PRAMEF4: variants seen among roughly 807,000 people sequenced by gnomAD.
PRAMEF4 encodes the protein RP5-845O24.6.
A neutral mutation model predicts 34.4 loss-of-function variants in PRAMEF4; 18 were observed. The ratio of observed to expected loss-of-function variants is 0.52; its 90% CI spans 0.36 to 0.78. The LOEUF (loss-of-function observed/expected upper bound fraction) is 0.78. Among genes scored for constraint, PRAMEF4 ranks in the 30% least tolerant of loss-of-function variants. PRAMEF4 has a pLI of 0.00. For synonymous variants in PRAMEF4, 156 were observed against 219.3 expected, an observed-to-expected ratio of 0.71 and a Z score of 2.55; for missense variants, 482 against 569.1, an observed-to-expected ratio of 0.85 and a Z score of 1.56.
chr1:12,883,079 C>G (rs756740114), intron 2 of PRAMEF4, 23 bp downstream of exon 2: 1 of 1,599,690 alleles, frequency 6.3e-7, no homozygotes, highest in Non-Finnish European at 8.5e-7. Context: ...GCCCTCCCCA[C>G]CAGCCCACCT....
In PRAMEF4 at chr1:12,882,416, G is replaced by A. The variant is rs1047453556; in HGVS notation, c.313C>T (p.Leu105=). The A allele has an allele frequency of 4.4e-6, 7 of 1,588,702 alleles. No individual in the cohort carries two copies. In the South Asian group the frequency reaches 4.4e-5, roughly 10 times the overall value. ...TTCTCACAGACATCCTGTAAATCCA[G>A]CACTTGAAGTTTCCACCTCCTGTGG... ...VRPRRWKLQV[L]DLQDVCENFW... The change falls in exon 3 of 4, where the codon CTG becomes TTG. Residue 105 remains leucine (L), a synonymous_variant. Coordinates refer to ENST00000235349, the MANE Select transcript of PRAMEF4 (RefSeq NM_001009611.4).
Position 12,883,360 on chromosome 1 carries a change from A to G in PRAMEF4, c.35T>C (p.Leu12Pro). Reference protein sequence around the residue: ...KMSIWTPPRLLELAGRSLLRD... With the variant: ...KMSIWTPPRLPELAGRSLLRD... ...TAGCAGGCTCCGCCCTGCAAGCTCC[A>G]GGAGTCTGGGTGGAGTCCAGATGCT... The change falls in exon 2 of 4, where the codon CTG becomes CCG. Residue 12 changes from leucine to proline, a missense_variant. This residue lies in a region of PRAMEF4 where 172 missense variants were observed against 130.2 expected (regional missense o/e 1.32). Coordinates refer to ENST00000235349, the MANE Select transcript of PRAMEF4 (RefSeq NM_001009611.4). 10 of 1,600,830 alleles carry G rather than the reference A, an allele frequency of 6.2e-6. 1 individual carries two copies. Among genetic ancestry groups the G allele is most frequent in the Non-Finnish European group, 8.5e-6 (10 of 1,173,716 alleles).
In PRAMEF4 at chr1:12,883,501, G is replaced by T. The variant is rs900125670; in HGVS notation, c.-16-91C>A. 8 of 1,527,852 alleles carry T rather than the reference G, an allele frequency of 5.2e-6. No homozygotes were observed. The African/African-American group carries it at 5.6e-5, about 11-fold the overall frequency. 94.6% of individuals were successfully genotyped at this position (1,527,852 alleles called of 1,614,324 possible). On this transcript the variant is annotated intron_variant, in intron 1 of 3. Coordinates refer to ENST00000235349, the MANE Select transcript of PRAMEF4 (RefSeq NM_001009611.4). ...TCCTATGGCCAAACTCACTGCTCTGGCAATGGTGAAAGAGTCCTCAGTTTA... is the reference window on the plus strand; with the variant it reads ...TCCTATGGCCAAACTCACTGCTCTGTCAATGGTGAAAGAGTCCTCAGTTTA...
rs1557638602 is a variant in PRAMEF4 at position 12,879,795 on chromosome 1, T to G, written c.1186A>C (p.Thr396Pro). ...GTGTGGCTCAGCAGGTTCTCCAGGG[T>G]GGCCATGCAGATGGGATTTCCACAG... ...SFCGNPICMA[T>P]LENLLSHTII... The change falls in exon 4 of 4, where the codon ACC becomes CCC. Residue 396 changes from threonine (T) to proline (P), a missense_variant. Physicochemically the swap from Thr to Pro is conservative, Grantham distance 38. This residue lies in a region of PRAMEF4 where 116 missense variants were observed against 105.2 expected (regional missense o/e 1.10). Transcript: ENST00000235349. The G allele has an allele frequency of 2.5e-6, 4 of 1,599,956 alleles. No homozygotes were observed. The highest frequency in any genetic ancestry group is 4.3e-4 in the Middle Eastern group (2 of 4,662).
At chr1:12,886,027 T>TGAA (rs1191433969) in intron 1 of PRAMEF4, 120 bp downstream of exon 1, 1 of 83,958 alleles carries the variant, frequency 1.2e-5, no homozygotes, top group South Asian at 4.2e-4. Context: ...ATTGTTCATA[T>TGAA]AAAAAAAAAA....
chr1:12,885,284 C>G (rs1301739386), intron 1 of PRAMEF4, among the ~76,000 whole-genome samples: 1 of 149,650 alleles, frequency 6.7e-6, no homozygotes. Flanking sequence ...CATGCACCCC[C>G]CACAGCCATG....
Position 12,880,309 on chromosome 1 carries a change from C to T in PRAMEF4, c.876-204G>A, listed in dbSNP as rs565790093. On this transcript the variant is annotated intron_variant, in intron 3 of 3. Transcript: ENST00000235349. ...TTCCACTTTAGACCCGGCCCAGTAA[C>T]TCACACCTGTAATCCCAGCACTTTG... Among the ~76,000 whole-genome samples, 844 of 150,890 alleles carry T rather than the reference C, an allele frequency of 5.6e-3. 15 individuals carry two copies. The highest frequency in any genetic ancestry group is 8.0e-3 in the Non-Finnish European group (546 of 67,852).
Position 12,880,575 on chromosome 1 carries a change from TA to T in PRAMEF4, c.876-471del, listed in dbSNP as rs1216641454. Reference sequence around the variant, plus strand: ...TGGGTGACAGAGAGAGACTCTGTATTAAAAAAAAAAAAGGAGAAAAAATAAT... The same window carrying T: ...TGGGTGACAGAGAGAGACTCTGTATTAAAAAAAAAAAGGAGAAAAAATAAT... On this transcript the variant is annotated intron_variant, in intron 3 of 3. Coordinates refer to ENST00000235349, the MANE Select transcript of PRAMEF4 (RefSeq NM_001009611.4). Among the ~76,000 whole-genome samples, 419 of 136,028 alleles carry T rather than the reference TA, an allele frequency of 3.1e-3. 3 individuals are homozygous for T. The highest frequency in any genetic ancestry group is 0.011 in the Middle Eastern group (3 of 280). The allele number at this position is 136,028 out of a possible 152,430, so 89.2% of individuals were successfully genotyped here. A position where few individuals can be genotyped will look rare whatever the true frequency, so the allele number is the denominator to read the frequency against.
chr1:12,885,922 C>A (rs1471974154), intron 1 of PRAMEF4, among the ~76,000 whole-genome samples: 1 of 105,550 alleles, frequency 9.5e-6, no homozygotes, highest in East Asian at 2.7e-4. Context: ...TCACTGCTCC[C>A]TTCAAGAATT....
chr1:12,885,163 T>A (rs1390128016), intron 1 of PRAMEF4, among the ~76,000 whole-genome samples: 3 of 150,586 alleles, frequency 2.0e-5, no homozygotes, highest in Admixed American at 1.4e-4. Flanking sequence ...TGAGTCTCAC[T>A]TCGTCGCCCA....
chr1:12,885,588 C>T (rs1484528790), intron 1 of PRAMEF4, among the ~76,000 whole-genome samples: 2 of 147,152 alleles, frequency 1.4e-5, no homozygotes, highest in Admixed American at 7.0e-5. Flanking sequence ...CGAGACCAAC[C>T]TGGCCAGCGT....
Position 12,881,957 on chromosome 1 carries a change from T to A in PRAMEF4, c.772A>T (p.Ile258Phe), listed in dbSNP as rs199759418. ...RYVSPEQKKE[I>F]VTQFTTQFLK... ...AACTGAGTGGTGAACTGGGTAACAA[T>A]CTCCTTCTTCTGCTCTGGGGAAACG... Residue 258 changes from isoleucine (I) to phenylalanine (F), a missense_variant, in exon 3 of 4, where the codon ATT (isoleucine) becomes TTT (phenylalanine). Transcript: ENST00000235349. 7.5e-4 allele frequency: 1,180 copies of A among 1,566,188 alleles called. 38 individuals carry two copies. Among genetic ancestry groups the A allele is most frequent in the East Asian group, 2.8e-3 (121 of 43,884 alleles).
intron 3 of PRAMEF4, among the ~76,000 whole-genome samples, chr1:12,881,304 T>C (rs12120528): frequency 0.25 from 36,919 of 146,152 alleles, 6,876 homozygotes; most frequent in African/African-American, 0.33. Context: ...AGGCAGAAGT[T>C]GCTGCGAGCT....
chr1:12,882,237 T>C lies in PRAMEF4; in HGVS notation c.492A>G (p.Glu164=), dbSNP rs1472177127. The part of the protein sequence containing the change: ...ELWLKNRTLD[E]YLTCLLLWVK... ...CCCATAGAAGGAGGCAGGTGAGGTA[T>C]TCATCCAGAGTCCTGTTCTTGAGCC... Residue 164 remains glutamate (E), a synonymous_variant, in exon 3 of 4, where the codon GAA becomes GAG. Transcript: ENST00000235349. 3.8e-6 allele frequency: 6 copies of C among 1,581,598 alleles called. No homozygotes were observed. Among genetic ancestry groups the C allele is most frequent in the Admixed American group, 1.8e-5 (1 of 56,640 alleles).
chr1:12,883,082 G>A lies in PRAMEF4; in HGVS notation c.293+20C>T, dbSNP rs1640923602. The stretch of plus-strand genomic sequence containing the variant: ...TTGGACACCTGGGCCCTCCCCACCA[G>A]CCCACCTGGGCCACCTCACCTGGGA... On this transcript the variant is annotated intron_variant, in intron 2 of 3. Transcript: ENST00000235349. 6.2e-7 allele frequency: 1 copy of A among 1,600,442 alleles called. No individual in the cohort carries two copies. The highest frequency in any genetic ancestry group is 1.7e-5 in the Admixed American group (1 of 57,644).
Position 12,881,681 on chromosome 1 carries a change from G to T in PRAMEF4, c.875+173C>A, listed in dbSNP as rs4993087. The stretch of plus-strand genomic sequence containing the variant: ...GCTGATCCCTCTGCCTCTATTGGGA[G>T]GGTTGCATGATACCCATTTCAGGAC... On this transcript the variant is annotated intron_variant, in intron 3 of 3. Coordinates refer to ENST00000235349, the MANE Select transcript of PRAMEF4 (RefSeq NM_001009611.4). 9.7e-5 allele frequency among the ~76,000 whole-genome samples: 14 copies of T among 144,806 alleles called. 1 individual carries two copies. Among genetic ancestry groups the T allele is most frequent in the South Asian group, 2.2e-4 (1 of 4,578 alleles). The allele number at this position is 144,806 out of a possible 152,430, so 95.0% of individuals were successfully genotyped here.
At chr1:12,884,739 AGACTTCT>A (rs1640962711) in intron 1 of PRAMEF4, among the ~76,000 whole-genome samples, 1 of 149,100 alleles carries the variant, frequency 6.7e-6, no homozygotes, top group South Asian at 2.1e-4. Context: ...ACATTTGACT[AGACTTCT>A]TAATCTCTAC....
chr1:12,882,486 T>G (rs1472840935), intron 2 of PRAMEF4, 51 bp from the exon 3 acceptor site: 1 of 1,580,006 alleles, frequency 6.3e-7, no homozygotes, highest in Non-Finnish European at 8.6e-7. Context: ...ATTTCTGAAC[T>G]TAAACTCCAC....
At chr1:12,881,730 T>C in intron 3 of PRAMEF4, 124 bp downstream of exon 3, 1 of 1,460,346 alleles carries the variant, frequency 6.8e-7, no homozygotes, top group South Asian at 1.2e-5. Context: ...GGACAATGCA[T>C]GGACATTCTA....
Sources: allele counts gnomAD v4.1 joint callset (sites outside exome capture counted in the v4.1 genomes callset), GRCh38; gene constraint gnomAD v4.1.1; regional missense constraint gnomAD v4.1.1; transcripts MANE v1.5; gene names NCBI Gene and HGNC (gene_info 2026-07-23, HGNC 2026-07-21).